Variants in ZNF385B observed in about 807,000 individuals in gnomAD.
ZNF385B encodes zinc finger protein 385B.
A neutral mutation model predicts 39.2 loss-of-function variants in ZNF385B; 23 were observed. The observed-to-expected ratio is 0.59, with a 90% CI of 0.42 to 0.83. The LOEUF is 0.83. ZNF385B is among the 40% of genes least tolerant of loss of function. The pLI is 0.00. For missense variants in ZNF385B, 552 were observed against 598.9 expected, an observed-to-expected ratio of 0.92 and a Z score of 0.82; for synonymous variants, 205 against 222.6, an observed-to-expected ratio of 0.92 and a Z score of 0.70.
intron 1 of ZNF385B, among the ~76,000 whole-genome samples, chr2:179,856,045 G>T (rs1321726087): frequency 2.0e-5 from 3 of 152,114 alleles, no homozygotes; most frequent in Non-Finnish European, 4.4e-5. Flanking sequence ...TGGAAAGGGG[G>T]AGATTTTTAA....
At chr2:179,696,805 T>C (rs1698800559) in intron 3 of ZNF385B, among the ~76,000 whole-genome samples, 1 of 152,228 alleles carries the variant, frequency 6.6e-6, no homozygotes, top group Admixed American at 6.5e-5. Context: ...TCAACATTGA[T>C]ATACTAGGTT....
intron 3 of ZNF385B, among the ~76,000 whole-genome samples, chr2:179,701,614 CG>C (rs1699207376): frequency 6.6e-6 from 1 of 152,200 alleles, no homozygotes; most frequent in Admixed American, 6.5e-5. Flanking sequence ...ATTTTCCACA[CG>C]TGAGTTATTT....
rs2061209954 is a variant in ZNF385B, at chr2:179,559,844, T to C, written c.299-14875A>G. ...TATATTAACTACTGTCCTCATGCTG[T>C]ACCTTAGATCTCTAGATATAGTCAT... On this transcript the variant is annotated intron_variant, in intron 3 of 9. Transcript: ENST00000410066. 2.6e-5 allele frequency among the ~76,000 whole-genome samples: 4 copies of C among 152,262 alleles called. No individual in the cohort carries two copies. The South Asian group carries it at 8.3e-4, about 32-fold the overall frequency.
chr2:179,670,434 A>G (rs1380593439), intron 3 of ZNF385B, among the ~76,000 whole-genome samples: 4 of 152,226 alleles, frequency 2.6e-5, no homozygotes, highest in Non-Finnish European at 5.9e-5. Flanking sequence ...ATACAGATGT[A>G]ACAGTCATAA....
intron 5 of ZNF385B, among the ~76,000 whole-genome samples, chr2:179,515,985 T>C (rs1366816442): frequency 6.6e-6 from 1 of 152,202 alleles, no homozygotes; most frequent in African/African-American, 2.4e-5. Context: ...CATAGTTTCA[T>C]CTTCTGCAGA....
chr2:179,773,226 T>C (rs1704116059), intron 1 of ZNF385B, among the ~76,000 whole-genome samples: 1 of 152,206 alleles, frequency 6.6e-6, no homozygotes, highest in Non-Finnish European at 1.5e-5. Context: ...CTGTTGCATA[T>C]GTACAGCAAT....
At chr2:179,545,889 G>T (rs1040962742) in intron 3 of ZNF385B, among the ~76,000 whole-genome samples, 27 of 151,904 alleles carry the variant, frequency 1.8e-4, no homozygotes, top group African/African-American at 6.3e-4. Context: ...TCCTTTCTCT[G>T]CATTACAAAC....
chr2:179,501,238 G>T (rs1366671380), intron 5 of ZNF385B, among the ~76,000 whole-genome samples: 1 of 152,118 alleles, frequency 6.6e-6, no homozygotes, highest in Non-Finnish European at 1.5e-5. Flanking sequence ...CCATTGCTGG[G>T]TATATACCCA....
chr2:179,521,470 G>A (rs1329429098), intron 4 of ZNF385B, among the ~76,000 whole-genome samples: 1 of 151,018 alleles, frequency 6.6e-6, no homozygotes, highest in East Asian at 2.0e-4. Context: ...AAAGTGCTGG[G>A]ATTACCGGTG....
intron 3 of ZNF385B, among the ~76,000 whole-genome samples, chr2:179,746,335 T>C (rs1702380428): frequency 6.6e-6 from 1 of 152,142 alleles, no homozygotes; most frequent in African/African-American, 2.4e-5. Flanking sequence ...AAAATAGCTG[T>C]AGGTTCCTGG....
intron 5 of ZNF385B, among the ~76,000 whole-genome samples, chr2:179,485,246 C>A (rs186428654): frequency 1.4e-4 from 22 of 152,216 alleles, no homozygotes; most frequent in Non-Finnish European, 4.4e-5. Context: ...ATAATAATAT[C>A]ATTGATTGCT....
intron 3 of ZNF385B, among the ~76,000 whole-genome samples, chr2:179,676,311 A>G (rs1335687958): frequency 6.6e-6 from 1 of 151,490 alleles, no homozygotes; most frequent in East Asian, 2.0e-4. Flanking sequence ...GATGGTCTCG[A>G]TCTCCCGACG....
At chr2:179,551,265 C>T (rs1022994358) in intron 3 of ZNF385B, among the ~76,000 whole-genome samples, 1 of 152,030 alleles carries the variant, frequency 6.6e-6, no homozygotes, top group Admixed American at 6.6e-5. Flanking sequence ...TATAAGCAGG[C>T]ATACTCCAAA....
chr2:179,809,074 G>A (rs1273947128), intron 1 of ZNF385B, among the ~76,000 whole-genome samples: 1 of 152,190 alleles, frequency 6.6e-6, no homozygotes, highest in Non-Finnish European at 1.5e-5. Flanking sequence ...TAGCTGTCAA[G>A]CTATGATTAC....
intron 3 of ZNF385B, among the ~76,000 whole-genome samples, chr2:179,584,251 T>G (rs1686849342): frequency 6.6e-6 from 1 of 151,982 alleles, no homozygotes; most frequent in Admixed American, 6.6e-5. Context: ...CCTAACCCCT[T>G]GTTATAACAA....
chr2:179,523,208 A>G (rs1002516554), intron 4 of ZNF385B, among the ~76,000 whole-genome samples: 1 of 152,194 alleles, frequency 6.6e-6, no homozygotes, highest in Non-Finnish European at 1.5e-5. Context: ...GTACAGACAA[A>G]TTAACAATTA....
intron 3 of ZNF385B, chr2:179,745,623 G>A (rs1533383): frequency 0.13 from 143,194 of 1,126,588 alleles, 13,247 homozygotes; most frequent in East Asian, 0.51. Context: ...ACACAATTGA[G>A]GACTCCACAG....
At chr2:179,736,441 G>T (rs751325858) in intron 3 of ZNF385B, among the ~76,000 whole-genome samples, 4 of 151,988 alleles carry the variant, frequency 2.6e-5, no homozygotes, top group African/African-American at 9.7e-5. Flanking sequence ...TTACTATATG[G>T]TGATTCTTAT....
chr2:179,577,375 T>C (rs1368111606), intron 3 of ZNF385B, among the ~76,000 whole-genome samples: 5 of 152,174 alleles, frequency 3.3e-5, no homozygotes, highest in African/African-American at 9.6e-5. Context: ...GTATCAGATA[T>C]ATAAATCTCA....
Sources: gnomAD v4.1 joint callset for allele counts (sites outside exome capture counted in the v4.1 genomes callset) on GRCh38, gnomAD v4.1.1 for gene constraint, MANE v1.5 for transcripts, NCBI Gene and HGNC (gene_info 2026-07-23, HGNC 2026-07-21) for gene names.